The following DPY19L3 variants were observed in gnomAD, a reference collection of about 807,000 sequenced individuals.
The protein encoded by DPY19L3 is protein C-mannosyl-transferase DPY19L3.
Under a neutral mutation model 92.3 loss-of-function variants are expected in DPY19L3, and 51 were observed. The ratio of observed to expected loss-of-function variants is 0.55; its 90% CI spans 0.44 to 0.70. The LOEUF (loss-of-function observed/expected upper bound fraction) is 0.70. Ranked by LOEUF, DPY19L3 falls within the 30% of genes least tolerant of loss-of-function variation. DPY19L3 has a pLI of 0.00. For missense variants in DPY19L3, 706 were observed against 855.9 expected (o/e 0.82, Z 2.18); for synonymous variants, 309 against 315.2 (o/e 0.98, Z 0.21).
chr19:32,429,235 T>C (rs1473068189), intron 3 of DPY19L3, among the ~76,000 whole-genome samples: 1 of 152,252 alleles, frequency 6.6e-6, no homozygotes, highest in Non-Finnish European at 1.5e-5. Context: ...CTGTCAACAT[T>C]GCATTCCCCA....
intron 12 of DPY19L3, among the ~76,000 whole-genome samples, chr19:32,461,486 C>T (rs1203170619): frequency 1.3e-5 from 2 of 152,184 alleles, no homozygotes; most frequent in African/African-American, 2.4e-5. Context: ...TTTTTATTTA[C>T]TTTTCACACC....
intron 3 of DPY19L3, among the ~76,000 whole-genome samples, chr19:32,423,691 TAAAA>T (rs1188084554): frequency 1.3e-5 from 2 of 151,942 alleles, no homozygotes; most frequent in Non-Finnish European, 2.9e-5. Flanking sequence ...TAACACAAGA[TAAAA>T]GAAGAAGGGG....
chr19:32,445,440 C>CAAAAAAAAAAAAAAAAAAAAA lies in DPY19L3; in HGVS notation c.855+5531_855+5551dup, dbSNP rs71336904. 3.7e-4 allele frequency among the ~76,000 whole-genome samples: 16 copies of CAAAAAAAAAAAAAAAAAAAAA among 42,822 alleles called. 6 individuals carry two copies. The highest frequency in any genetic ancestry group is 1.7e-3 in the East Asian group (2 of 1,146). The allele number at this position is 42,822 out of a possible 152,430, so 28.1% of individuals were successfully genotyped here. A position where few individuals can be genotyped will look rare whatever the true frequency, so the allele number is the denominator to read the frequency against. On this transcript the variant is annotated intron_variant, in intron 8 of 18. Coordinates refer to ENST00000392250, the MANE Select transcript of DPY19L3 (RefSeq NM_001172774.2). ...TGGGGGACAGAGCGAGACTTCATCTCAAAAAAAAAAAAAAAAAAAAACCAT... is the reference window on the plus strand; with the variant it reads ...TGGGGGACAGAGCGAGACTTCATCTCAAAAAAAAAAAAAAAAAAAAAAAAAAAAAAAAAAAAAAAAAACCAT...
At chr19:32,441,424 C>T (rs930048394) in intron 8 of DPY19L3, among the ~76,000 whole-genome samples, 39 of 151,258 alleles carry the variant, frequency 2.6e-4, no homozygotes, top group Admixed American at 6.6e-4. Context: ...GTCAGCTACA[C>T]GATTGATGTT....
chr19:32,469,232 C>T (rs1301201644), intron 16 of DPY19L3: 2 of 157,942 alleles, frequency 1.3e-5, no homozygotes, highest in Admixed American at 1.3e-4. Flanking sequence ...CTCAATGGCT[C>T]ACGCCTGTAA....
At chr19:32,460,844 CTTGTTTTGTTTTGTT>C (rs59020860) in intron 12 of DPY19L3, among the ~76,000 whole-genome samples, 39 of 148,266 alleles carry the variant, frequency 2.6e-4, no homozygotes, top group Admixed American at 7.4e-4. Context: ...GATACTATGA[CTTGTTTTGTTTTGTT>C]TTGTTTTGTT....
chr19:32,436,738 A>G (rs574796610), intron 5 of DPY19L3, among the ~76,000 whole-genome samples, 171 bp downstream of exon 5: 1 of 152,080 alleles, frequency 6.6e-6, no homozygotes, highest in Non-Finnish European at 1.5e-5. Context: ...ACTGCTTTTT[A>G]TTTACATAGG....
chr19:32,457,063 A>C (rs1969888701), intron 10 of DPY19L3, among the ~76,000 whole-genome samples: 1 of 152,104 alleles, frequency 6.6e-6, no homozygotes, highest in Non-Finnish European at 1.5e-5. Flanking sequence ...CCAAAGATAC[A>C]CAGTTCTTGC....
intron 8 of DPY19L3, among the ~76,000 whole-genome samples, chr19:32,442,385 G>A (rs376227454): frequency 4.1e-4 from 62 of 152,266 alleles, no homozygotes; most frequent in African/African-American, 1.5e-3. Flanking sequence ...GGAAACAGAC[G>A]CATTCATGAT....
chr19:32,441,201 T>C (rs1969311780), intron 8 of DPY19L3, among the ~76,000 whole-genome samples: 1 of 152,136 alleles, frequency 6.6e-6, no homozygotes, highest in Non-Finnish European at 1.5e-5. Context: ...TTAGTTGTAT[T>C]GTAATAAGAA....
chr19:32,463,984 A>C lies in DPY19L3; in HGVS notation c.1557+4A>C. The C allele has an allele frequency of 6.3e-6, 10 of 1,586,598 alleles. No individual in the cohort carries two copies. The highest frequency in any genetic ancestry group is 8.6e-6 in the Non-Finnish European group (10 of 1,159,478). Reference sequence around the variant, plus strand: ...CCATCTTTATAACCCAAAGAGGGTCAGTGTCATCCCTTTTTCCATCTCCTT... The same window carrying C: ...CCATCTTTATAACCCAAAGAGGGTCCGTGTCATCCCTTTTTCCATCTCCTT... On this transcript the variant is annotated splice_donor_region_variant and intron_variant, in intron 14 of 18. Transcript: ENST00000392250.
At position 32,408,174 on chromosome 19, in the gene DPY19L3, G is replaced by C. The variant is rs559049692; in HGVS notation, c.-37-43G>C. 125 of 974,710 alleles carry C rather than the reference G, an allele frequency of 1.3e-4. No individual in the cohort carries two copies. The African/African-American group carries it at 1.3e-3, about 10-fold the overall frequency. 60.4% of individuals were successfully genotyped at this position (974,710 alleles called of 1,614,324 possible). On this transcript the variant is annotated intron_variant, in intron 1 of 18. Coordinates refer to ENST00000392250, the MANE Select transcript of DPY19L3 (RefSeq NM_001172774.2). Reference sequence around the variant, plus strand: ...GCATGGATGAGCACGGGGTGTGTTGGGGAGAAGGCACTGACGTTGATGGCC... The same window carrying C: ...GCATGGATGAGCACGGGGTGTGTTGCGGAGAAGGCACTGACGTTGATGGCC...
At chr19:32,406,400 C>G (rs1195911194) in intron 1 of DPY19L3, 1 of 152,230 alleles carries the variant, frequency 6.6e-6, no homozygotes, top group Non-Finnish European at 1.5e-5. Context: ...CGCTGTCTCG[C>G]CCAGGCTGGA....
intron 4 of DPY19L3, 140 bp downstream of exon 4, chr19:32,432,946 A>C: frequency 1.5e-6 from 1 of 659,970 alleles, no homozygotes; most frequent in Non-Finnish European, 2.5e-6. Flanking sequence ...TCATTTCATG[A>C]AAATGTTTTT....
chr19:32,479,532 A>G (rs1468714225), intron 17 of DPY19L3: 1 of 384,218 alleles, frequency 2.6e-6, no homozygotes, highest in East Asian at 9.5e-5. Flanking sequence ...TGTCACAGTA[A>G]CAGCATCCTA....
chr19:32,462,984 G>T (rs1179393940), intron 12 of DPY19L3, among the ~76,000 whole-genome samples: 1 of 151,992 alleles, frequency 6.6e-6, no homozygotes, highest in African/African-American at 2.4e-5. Flanking sequence ...TGTGTGTTTT[G>T]CTTTTGCTTA....
At chr19:32,439,967 A>G in intron 8 of DPY19L3, 57 bp downstream of exon 8, 1 of 1,586,940 alleles carries the variant, frequency 6.3e-7, no homozygotes, top group Non-Finnish European at 8.5e-7. Context: ...TTTTTATATC[A>G]TAGAATGAGA....
Position 32,468,792 on chromosome 19 carries a change from T to G in DPY19L3, c.1676T>G (p.Val559Gly). 1 of 1,613,802 alleles carries G rather than the reference T, an allele frequency of 6.2e-7. No homozygotes were observed. Among genetic ancestry groups the G allele is most frequent in the Non-Finnish European group, 8.5e-7 (1 of 1,179,842 alleles). The change falls in exon 16 of 19, where the codon GTG (valine) becomes GGG (glycine). Residue 559 changes from valine (V) to glycine (G), a missense_variant. Coordinates refer to ENST00000392250, the MANE Select transcript of DPY19L3 (RefSeq NM_001172774.2). ...AGAGAATTCTATGATCCAGATACAG[T>G]GGAGCTGATGAACTGGATTAAGTAA... ...ELREFYDPDT[V>G]ELMNWINSNT...
chr19:32,464,716 T>C lies in DPY19L3; in HGVS notation c.1558-12T>C. 1 of 1,406,518 alleles carries C rather than the reference T, an allele frequency of 7.1e-7. No individual in the cohort carries two copies. Among genetic ancestry groups the C allele is most frequent in the East Asian group, 2.6e-5 (1 of 38,808 alleles). 87.1% of individuals were successfully genotyped at this position (1,406,518 alleles called of 1,614,324 possible). On this transcript the variant is annotated splice_polypyrimidine_tract_variant and intron_variant, in intron 14 of 18. Coordinates refer to ENST00000392250, the MANE Select transcript of DPY19L3 (RefSeq NM_001172774.2). ...AAATACTTATAATCTAAATAATGTC[T>C]TTCTTATATAGATATGTATAATGCG...
Sources: allele counts gnomAD v4.1 joint callset (sites outside exome capture counted in the v4.1 genomes callset), GRCh38; gene constraint gnomAD v4.1.1; transcripts MANE v1.5; gene names NCBI Gene and HGNC (gene_info 2026-07-23, HGNC 2026-07-21).